The following BCOR variants were observed in gnomAD, a reference collection of about 807,000 sequenced individuals.
The protein encoded by BCOR is BCL-6 corepressor.
In BCOR, 10 loss-of-function variants were observed where a neutral mutation model predicts 86.7. That is an observed-to-expected ratio of 0.12 (90% CI 0.07 to 0.20). The LOEUF (loss-of-function observed/expected upper bound fraction) is 0.20, where lower values mean the gene tolerates loss of function less well. Ranked by LOEUF, BCOR falls within the 10% of genes least tolerant of loss-of-function variation. BCOR has a pLI of 1.00. For synonymous variants in BCOR, 611 were observed against 609.0 expected (o/e 1.00, Z -0.05); for missense variants, 1,259 against 1,452.1 (o/e 0.87, Z 2.16).
At chrX:40,069,821 G>C (rs755351488) in intron 6 of BCOR, among the ~76,000 whole-genome samples, 15 of 112,414 alleles carry the variant, frequency 1.3e-4, no homozygotes, top group Admixed American at 1.3e-3. Context: ...CTTTGAGGAA[G>C]AGTGAGCAAC....
At chrX:40,105,185 T>A (rs1316052750) in intron 1 of BCOR, among the ~76,000 whole-genome samples, 1 of 108,787 alleles carries the variant, frequency 9.2e-6, no homozygotes, top group Non-Finnish European at 1.9e-5. Flanking sequence ...TCCCCGCCCC[T>A]CCCCGTGGGG....
chrX:40,150,730 G>A (rs1375938087), intron 1 of BCOR, among the ~76,000 whole-genome samples: 2 of 111,734 alleles, frequency 1.8e-5, no homozygotes, highest in East Asian at 5.6e-4. Flanking sequence ...ATGTGTTTCC[G>A]GGCTGGGGAG....
intron 8 of BCOR, 151 bp downstream of exon 8, chrX:40,063,457 G>A (rs1935009867): frequency 2.0e-6 from 1 of 512,179 alleles, no homozygotes; most frequent in Middle Eastern, 5.7e-4. Context: ...CACGGGCAAG[G>A]ACATCAAGAG....
chrX:40,065,206 CCAGAGGGAGGCAGGGAACCCAGG>C (rs1482938132), intron 6 of BCOR, among the ~76,000 whole-genome samples: 2 of 112,173 alleles, frequency 1.8e-5, no homozygotes, highest in Non-Finnish European at 3.8e-5. Flanking sequence ...ACAGTCCAGG[CCAGAGGGAGGCAGGGAACCCAGG>C]CAGACCCAGG....
intron 1 of BCOR, among the ~76,000 whole-genome samples, chrX:40,087,755 G>A (rs765587701): frequency 1.5e-4 from 17 of 111,850 alleles, no homozygotes; most frequent in Non-Finnish European, 2.8e-4. Flanking sequence ...CCACCCTTTC[G>A]CCTGCTTAGA....
chrX:40,069,198 C>T (rs1935351110), intron 6 of BCOR, among the ~76,000 whole-genome samples: 1 of 112,541 alleles, frequency 8.9e-6, no homozygotes, highest in South Asian at 3.7e-4. Context: ...CTTGATCAAC[C>T]ACAAACCTAT....
intron 1 of BCOR, among the ~76,000 whole-genome samples, chrX:40,160,390 G>A (rs1187716171): frequency 9.1e-6 from 1 of 110,166 alleles, no homozygotes; most frequent in East Asian, 2.8e-4. Flanking sequence ...AGAGTGCTGG[G>A]ATTACAGGCA....
intron 1 of BCOR, among the ~76,000 whole-genome samples, chrX:40,089,742 G>A (rs1209232279): frequency 9.0e-6 from 1 of 111,679 alleles, no homozygotes; most frequent in African/African-American, 3.3e-5. Flanking sequence ...AGCTAGGCTT[G>A]CCACCCCAGT....
chrX:40,052,363 T>C lies in BCOR; in HGVS notation c.5014A>G (p.Lys1672Glu), dbSNP rs1223567941. Reference protein sequence around the residue: ...NWLLLSDVLKKLKMSSRIFRC... With the variant: ...NWLLLSDVLKELKMSSRIFRC... ...AATATGCGGGAGGACATTTTCAATT[T>C]CTTAAGGACATCCGAAAGCAGTAGC... The change falls in exon 15 of 15, where the codon AAA becomes GAA. Residue 1672 changes from lysine (K) to glutamate (E), a missense_variant. Lys to Glu is a moderately conservative substitution (Grantham distance 56). This residue lies in a region of BCOR where 137 missense variants were observed against 149.8 expected (regional missense o/e 0.91). Coordinates refer to ENST00000378444, the MANE Select transcript of BCOR (RefSeq NM_001123385.2). 2.5e-6 allele frequency: 3 copies of C among 1,209,275 alleles called. No homozygotes were observed. The African/African-American group carries it at 5.3e-5, about 21-fold the overall frequency.
intron 1 of BCOR, among the ~76,000 whole-genome samples, chrX:40,106,920 G>T (rs1474052788): frequency 2.7e-5 from 3 of 110,570 alleles, no homozygotes; most frequent in Non-Finnish European, 5.7e-5. Flanking sequence ...GCCCCCGAGA[G>T]GCCCCAGTGC....
intron 3 of BCOR, 49 bp downstream of exon 3, chrX:40,076,405 G>T: frequency 3.1e-6 from 3 of 953,503 alleles, no homozygotes; most frequent in Non-Finnish European, 4.5e-6. Flanking sequence ...ATTGATTACA[G>T]ATCACTGATA....
At position 40,077,912 on chromosome X, in the gene BCOR, G is replaced by T. The variant is rs370977455; in HGVS notation, c.18C>A (p.Pro6=). The change falls in exon 2 of 15, where the codon CCC becomes CCA. Residue 6 remains proline, a synonymous_variant. Transcript: ENST00000378444. Reference sequence around the variant, plus strand: ...TCCAGCTGTGAACGTTCCCATACAGGGGGGTTGCTGAGAGCATGTCGTCTT... The same window carrying T: ...TCCAGCTGTGAACGTTCCCATACAGTGGGGTTGCTGAGAGCATGTCGTCTT... MLSAT[P]LYGNVHSWMN... The T allele has an allele frequency of 8.3e-7, 1 of 1,210,252 alleles. No homozygotes were observed. The highest frequency in any genetic ancestry group is 2.2e-5 in the Admixed American group (1 of 46,004).
intron 7 of BCOR, 127 bp from the exon 8 acceptor site, chrX:40,064,079 A>C: frequency 1.6e-6 from 1 of 641,310 alleles, no homozygotes; most frequent in Non-Finnish European, 2.3e-6. Flanking sequence ...GAAGGGGCCT[A>C]ATCATCTTTG....
intron 1 of BCOR, among the ~76,000 whole-genome samples, chrX:40,093,587 G>A (rs1045414434): frequency 8.9e-6 from 1 of 112,306 alleles, no homozygotes; most frequent in Non-Finnish European, 1.9e-5. Flanking sequence ...CAACACATCA[G>A]TGTCCAGCTC....
chrX:40,129,196 G>A (rs1222278091), intron 1 of BCOR, among the ~76,000 whole-genome samples: 2 of 111,619 alleles, frequency 1.8e-5, no homozygotes, highest in Non-Finnish European at 3.8e-5. Context: ...GTAGAAACAG[G>A]AAAAGTTAGC....
intron 1 of BCOR, among the ~76,000 whole-genome samples, chrX:40,174,012 C>T (rs1342702655): frequency 8.8e-6 from 1 of 113,015 alleles, no homozygotes; most frequent in Non-Finnish European, 1.9e-5. Context: ...GAAATGGCGA[C>T]TCTGGCAAAA....
chrX:40,100,316 C>T (rs1179433298), upstream of BCOR, among the ~76,000 whole-genome samples: 3 of 112,921 alleles, frequency 2.7e-5, no homozygotes, highest in Non-Finnish European at 5.6e-5. Context: ...CTGGCCTGGG[C>T]CAGTGTGGAG....
chrX:40,175,769 C>T (rs1220432908), intron 1 of BCOR, among the ~76,000 whole-genome samples: 1 of 113,032 alleles, frequency 8.8e-6, no homozygotes, highest in Non-Finnish European at 1.9e-5. Flanking sequence ...TAGCACCACT[C>T]CCCGCTACGA....
chrX:40,096,088 G>A (rs1193299263), intron 1 of BCOR, among the ~76,000 whole-genome samples: 1 of 112,600 alleles, frequency 8.9e-6, no homozygotes, highest in Non-Finnish European at 1.9e-5. Context: ...CCGGCTCCGA[G>A]CGCGGGCCCC....
Sources: allele counts gnomAD v4.1 joint callset (sites outside exome capture counted in the v4.1 genomes callset), GRCh38; gene constraint gnomAD v4.1.1; regional missense constraint gnomAD v4.1.1; transcripts MANE v1.5; gene names NCBI Gene and HGNC (gene_info 2026-07-23, HGNC 2026-07-21).